Variants in MFSD11 observed in about 807,000 individuals in gnomAD.
MFSD11 encodes the protein UNC93-like protein MFSD11.
In MFSD11, 36 loss-of-function variants were observed where a neutral mutation model predicts 53.5. The ratio of observed to expected loss-of-function variants is 0.67; its 90% CI spans 0.52 to 0.89. The LOEUF (loss-of-function observed/expected upper bound fraction) is 0.89. Ranked by LOEUF, MFSD11 falls within the 40% of genes least tolerant of loss-of-function variation. The probability of loss-of-function intolerance (pLI) is 0.00; values close to 1 mark genes in which losing one functional copy is unlikely to be tolerated. For missense variants in MFSD11, 530 were observed against 543.9 expected, an observed-to-expected ratio of 0.97 and a Z score of 0.25; for synonymous variants, 186 against 184.9, an observed-to-expected ratio of 1.01 and a Z score of -0.05.
At chr17:76,763,352 C>T (rs2080473823) in intron 8 of MFSD11, among the ~76,000 whole-genome samples, 1 of 151,904 alleles carries the variant, frequency 6.6e-6, no homozygotes. Flanking sequence ...GCAACCTCCA[C>T]CTCCCAGGTT....
At chr17:76,752,918 A>C (rs997796566) in intron 7 of MFSD11, 2 of 152,130 alleles carry the variant, frequency 1.3e-5, no homozygotes, top group African/African-American at 4.8e-5. Context: ...TCTTGTGCTC[A>C]CTTCGGCAGC....
chr17:76,755,106 A>G (rs750590008), intron 8 of MFSD11, among the ~76,000 whole-genome samples: 1 of 151,762 alleles, frequency 6.6e-6, no homozygotes, highest in Non-Finnish European at 1.5e-5. Context: ...GGTCCCAGCT[A>G]TTTGGGAGAC....
Position 76,738,993 on chromosome 17 carries a change from G to A in MFSD11, c.152G>A (p.Ser51Asn), listed in dbSNP as rs1598454269. ...GATTTTCACGGCAGTGGATATACCA[G>A]GTATTGTACCGTATGATTGATTTTG... is the stretch of plus-strand genomic sequence containing the variant. ...RTDFHGSGYT[S>N]MAIIYGVFSA... The change falls in exon 2 of 13, where the codon AGC becomes AAC. Residue 51 changes from serine (S) to asparagine (N), a missense_variant and splice_region_variant. Transcript: ENST00000685175. 2 of 1,611,928 alleles carry A rather than the reference G, an allele frequency of 1.2e-6. No homozygotes were observed. The highest frequency in any genetic ancestry group is 1.7e-6 in the Non-Finnish European group (2 of 1,178,048).
chr17:76,737,183 C>A (rs750428784), upstream of MFSD11: 2 of 1,526,242 alleles, frequency 1.3e-6, no homozygotes, highest in African/African-American at 2.7e-5. Flanking sequence ...CGGCCCGGAG[C>A]CCCGCGAACT....
chr17:76,790,991 G>GT, the MFSD11 span, among the ~76,000 whole-genome samples: 1 of 147,946 alleles, frequency 6.8e-6, no homozygotes, highest in Admixed American at 6.7e-5. Context: ...TGTTTTGTGT[G>GT]TTTTTTGGTC....
At chr17:76,800,346 G>C in the MFSD11 span, among the ~76,000 whole-genome samples, 103,040 of 152,058 alleles carry the variant, frequency 0.68, 35,680 homozygotes, top group Middle Eastern at 0.78. Context: ...CCTTAAGGGA[G>C]GTAAAAAGTC....
chr17:76,775,309 T>A (rs942280988), intron 11 of MFSD11, 138 bp downstream of exon 11: 3 of 667,192 alleles, frequency 4.5e-6, no homozygotes, highest in Non-Finnish European at 7.1e-6. Context: ...GTTCATGGAG[T>A]CAGACTGAGT....
chr17:76,761,633 C>A (rs1598661984), intron 8 of MFSD11, among the ~76,000 whole-genome samples: 1 of 152,102 alleles, frequency 6.6e-6, no homozygotes, highest in South Asian at 2.1e-4. Context: ...AGATATAATT[C>A]ATATACTGGC....
chr17:76,782,671 G>T (rs763467248), downstream of MFSD11, among the ~76,000 whole-genome samples: 4 of 149,874 alleles, frequency 2.7e-5, no homozygotes, highest in Admixed American at 6.7e-5. Context: ...GTAGAGATGG[G>T]GCTTCACCAT....
chr17:76,796,814 A>AC, the MFSD11 span, among the ~76,000 whole-genome samples: 1 of 142,904 alleles, frequency 7.0e-6, no homozygotes, highest in Non-Finnish European at 1.5e-5. Context: ...AAAATACCAA[A>AC]AAAAAAAAAA....
At chr17:76,802,113 C>CA in the MFSD11 span, among the ~76,000 whole-genome samples, 2 of 151,458 alleles carry the variant, frequency 1.3e-5, no homozygotes, top group East Asian at 2.0e-4. Context: ...TACTAAAATA[C>CA]AAAAAAAATT....
At position 76,771,210 on chromosome 17, in the gene MFSD11, A is replaced by C. The variant is rs894665441; in HGVS notation, c.874+1339A>C. Among the ~76,000 whole-genome samples the C allele has an allele frequency of 3.9e-5, 6 of 152,334 alleles. 1 individual carries two copies. Among genetic ancestry groups the C allele is most frequent in the Admixed American group, 6.5e-5 (1 of 15,294 alleles). On this transcript the variant is annotated intron_variant, in intron 10 of 12. Coordinates refer to ENST00000685175, the MANE Select transcript of MFSD11 (RefSeq NM_001242532.5). ...TCCTAGGCCAACCCCTCTCTCCCCAAGGGTTGCCCCCTTAGCGTAAACTTC... is the reference window on the plus strand; with the variant it reads ...TCCTAGGCCAACCCCTCTCTCCCCACGGGTTGCCCCCTTAGCGTAAACTTC...
intron 9 of MFSD11, 82 bp from the exon 10 acceptor site, chr17:76,769,664 C>T (rs2081208310): frequency 9.0e-7 from 1 of 1,112,176 alleles, no homozygotes; most frequent in Non-Finnish European, 1.3e-6. Context: ...CGCAAGTATT[C>T]TTTCGTCAGA....
At chr17:76,800,992 G>A in the MFSD11 span, among the ~76,000 whole-genome samples, 3 of 151,698 alleles carry the variant, frequency 2.0e-5, no homozygotes, top group African/African-American at 7.3e-5. Context: ...CAGGAGAATC[G>A]CTTGAACCTG....
chr17:76,781,140 AG>A (rs2082154396), downstream of MFSD11: 1 of 152,228 alleles, frequency 6.6e-6, no homozygotes, highest in South Asian at 2.1e-4. Context: ...GGTGTGTTCC[AG>A]GCTTCACTGG....
At chr17:76,747,117 T>C (rs2078625973) in intron 7 of MFSD11, among the ~76,000 whole-genome samples, 1 of 152,060 alleles carries the variant, frequency 6.6e-6, no homozygotes, top group Non-Finnish European at 1.5e-5. Context: ...ATACATTTCA[T>C]GAGGATATAG....
intron 9 of MFSD11, among the ~76,000 whole-genome samples, chr17:76,768,985 CAA>C (rs769093548): frequency 0.012 from 1,018 of 83,040 alleles, 18 homozygotes; most frequent in African/African-American, 0.036. Context: ...GACTCTCTCT[CAA>C]AAAAAAAAAA....
downstream of MFSD11, among the ~76,000 whole-genome samples, chr17:76,782,359 G>C (rs746681007): frequency 9.3e-5 from 14 of 150,918 alleles, no homozygotes; most frequent in African/African-American, 1.5e-4. Context: ...ATTTATAATA[G>C]AGACAGGGTT....
At chr17:76,792,423 C>T in the MFSD11 span, among the ~76,000 whole-genome samples, 8 of 150,142 alleles carry the variant, frequency 5.3e-5, no homozygotes, top group Admixed American at 6.6e-5. Flanking sequence ...CCGGTGTAGG[C>T]GTTCTTTTAT....
Sources: gnomAD v4.1 joint callset for allele counts (sites outside exome capture counted in the v4.1 genomes callset) on GRCh38, gnomAD v4.1.1 for gene constraint, MANE v1.5 for transcripts, NCBI Gene and HGNC (gene_info 2026-07-23, HGNC 2026-07-21) for gene names.